Variants in POLN observed in about 807,000 individuals in gnomAD.
POLN encodes the protein DNA polymerase nu, also known as DNA polymerase N.
In POLN, 108 loss-of-function variants were observed where a neutral mutation model predicts 113.5. The ratio of observed to expected loss-of-function variants is 0.95; its 90% CI spans 0.81 to 1.12. POLN has a LOEUF of 1.12. POLN is among the 50% of genes most tolerant of loss of function. The pLI is 0.00. For missense variants in POLN, 1,097 were observed against 1,077.1 expected (o/e 1.02, Z -0.26); for synonymous variants, 386 against 391.5 (o/e 0.99, Z 0.17).
rs539922055 is a variant in POLN, at chr4:2,126,524, G to C, written c.1982+1589C>G. 6.6e-6 allele frequency among the ~76,000 whole-genome samples: 1 copy of C among 152,334 alleles called. No individual in the cohort carries two copies. The highest frequency in any genetic ancestry group is 2.4e-5 in the African/African-American group (1 of 41,586). On this transcript the variant is annotated intron_variant, in intron 19 of 25. Coordinates refer to ENST00000511885, the MANE Select transcript of POLN (RefSeq NM_181808.4). This position sits in a 1 kb window ranked among gnomAD's most constrained non-coding sequence, Gnocchi z 4.6. The stretch of plus-strand genomic sequence containing the variant: ...TCGCTGCAGCAGGATGGACAGTAGA[G>C]CAATACATGGGAATGTGCATCGGAC...
chr4:2,241,172 A>C, intron 2 of POLN: 1 of 440,482 alleles, frequency 2.3e-6, no homozygotes, highest in South Asian at 3.5e-5. Context: ...CAAATATCAC[A>C]TGATATCCGA....
chr4:2,141,252 G>A (rs778006699), intron 16 of POLN, among the ~76,000 whole-genome samples: 6 of 152,228 alleles, frequency 3.9e-5, no homozygotes, highest in Non-Finnish European at 7.3e-5. Context: ...CACATGGATT[G>A]TGGTATTTTA....
intron 19 of POLN, among the ~76,000 whole-genome samples, chr4:2,121,484 G>A (rs531735927): frequency 6.7e-6 from 1 of 150,170 alleles, no homozygotes; most frequent in Non-Finnish European, 1.5e-5. Flanking sequence ...AGCCATCTGA[G>A]CCTGAGGGTT....
At chr4:2,229,408 G>A (rs1407199752) in intron 2 of POLN, 165 bp from the exon 3 acceptor site, 2 of 522,226 alleles carry the variant, frequency 3.8e-6, no homozygotes, top group African/African-American at 2.0e-5. Flanking sequence ...TAGATAGAAA[G>A]AAAAAAGCAA....
At chr4:2,217,069 A>T (rs575451552) in intron 3 of POLN, among the ~76,000 whole-genome samples, 5 of 152,120 alleles carry the variant, frequency 3.3e-5, no homozygotes, top group Non-Finnish European at 7.4e-5. Context: ...GTACTTCGTG[A>T]CTGTTCCCAC....
intron 13 of POLN, 131 bp downstream of exon 13, chr4:2,170,548 C>T (rs1448906053): frequency 4.2e-6 from 3 of 712,270 alleles, no homozygotes; most frequent in Non-Finnish European, 7.0e-6. Context: ...GTGGGGAGCC[C>T]CTCTTCTGCA....
At chr4:2,220,205 T>C (rs1193343477) in intron 3 of POLN, among the ~76,000 whole-genome samples, 4 of 152,076 alleles carry the variant, frequency 2.6e-5, no homozygotes, top group Non-Finnish European at 5.9e-5. Flanking sequence ...CAGCAGAGGG[T>C]GCTAGAGGGA....
intron 5 of POLN, among the ~76,000 whole-genome samples, chr4:2,200,159 C>T (rs73201265): frequency 0.04 from 6,081 of 152,186 alleles, 165 homozygotes; most frequent in Middle Eastern, 0.051. Context: ...TGGATTTTTG[C>T]ATAAATTGAC....
At chr4:2,075,177 C>T (rs1730246074) in intron 24 of POLN, among the ~76,000 whole-genome samples, 1 of 152,256 alleles carries the variant, frequency 6.6e-6, no homozygotes, top group Non-Finnish European at 1.5e-5. Context: ...TGGGTGTCTG[C>T]AGCTGCTGTC....
intron 16 of POLN, among the ~76,000 whole-genome samples, chr4:2,150,273 A>G (rs1732259968): frequency 6.6e-6 from 1 of 152,096 alleles, no homozygotes; most frequent in African/African-American, 2.4e-5. Context: ...TATTATTTCC[A>G]AAATTATTCT....
At chr4:2,111,008 C>T (rs1268350765) in intron 19 of POLN, among the ~76,000 whole-genome samples, 6 of 152,222 alleles carry the variant, frequency 3.9e-5, no homozygotes, top group East Asian at 1.9e-4. Flanking sequence ...ACTGGCAAAC[C>T]GAATCCAGCA....
chr4:2,149,516 T>G (rs1431433275), intron 16 of POLN, among the ~76,000 whole-genome samples: 1 of 152,106 alleles, frequency 6.6e-6, no homozygotes, highest in Non-Finnish European at 1.5e-5. Flanking sequence ...TTGGAAACAG[T>G]AACTACATGG....
chr4:2,155,717 T>C (rs1274800597), intron 16 of POLN, among the ~76,000 whole-genome samples: 2 of 152,170 alleles, frequency 1.3e-5, no homozygotes, highest in Admixed American at 1.3e-4. Context: ...ATTCACATAT[T>C]TAATTCATAT....
intron 23 of POLN, among the ~76,000 whole-genome samples, chr4:2,077,391 C>T (rs1035099164): frequency 6.6e-6 from 1 of 152,214 alleles, no homozygotes; most frequent in Admixed American, 6.5e-5. Flanking sequence ...CCACAGGACA[C>T]TACGTGGGCC....
At chr4:2,090,423 G>A in intron 20 of POLN, 1 of 604,110 alleles carries the variant, frequency 1.7e-6, no homozygotes, top group Non-Finnish European at 3.0e-6. Flanking sequence ...AAACATAATT[G>A]AAAGATTCTT....
At chr4:2,240,192 T>C (rs1443013065) in intron 2 of POLN, 2 of 1,614,086 alleles carry the variant, frequency 1.2e-6, no homozygotes, top group African/African-American at 1.3e-5. Context: ...AAGGATTTCT[T>C]GATTATCACA....
In POLN at chr4:2,222,888, C is replaced by T. The variant is rs142652126; in HGVS notation, c.133+6211G>A. On this transcript the variant is annotated intron_variant, in intron 3 of 25. Transcript: ENST00000511885. Reference sequence around the variant, plus strand: ...AACTCCACTGCTACCATCTGTATTGCACCCACAACTTGTGATGAGGTCATC... The same window carrying T: ...AACTCCACTGCTACCATCTGTATTGTACCCACAACTTGTGATGAGGTCATC... Among the ~76,000 whole-genome samples the T allele has an allele frequency of 2.0e-5, 3 of 152,258 alleles. No homozygotes were observed. The East Asian group carries it at 5.8e-4, about 29-fold the overall frequency.
intron 22 of POLN, 60 bp downstream of exon 22, chr4:2,081,573 C>A: frequency 2.6e-6 from 4 of 1,521,798 alleles, no homozygotes; most frequent in East Asian, 2.3e-5. Context: ...CCCAGCCCTG[C>A]GGCTGCTAAA....
intron 17 of POLN, 128 bp from the exon 18 acceptor site, chr4:2,129,384 T>G: frequency 1.6e-6 from 1 of 609,344 alleles, no homozygotes; most frequent in South Asian, 2.1e-5. Context: ...TTCCGAATAT[T>G]TTTATTAATT....
Sources: gnomAD v4.1 joint callset for allele counts (sites outside exome capture counted in the v4.1 genomes callset) on GRCh38, gnomAD v4.1.1 for gene constraint, Gnocchi (gnomAD v3.1) non-coding constraint, MANE v1.5 for transcripts, NCBI Gene and HGNC (gene_info 2026-07-23, HGNC 2026-07-21) for gene names.